Variants in KHDRBS2 observed in about 807,000 individuals in gnomAD.
The protein encoded by KHDRBS2 is KH domain-containing, RNA-binding, signal transduction-associated protein 2.
A neutral mutation model predicts 44.3 loss-of-function variants in KHDRBS2; 26 were observed. The ratio of observed to expected loss-of-function variants is 0.59; its 90% CI spans 0.43 to 0.81. The LOEUF (loss-of-function observed/expected upper bound fraction) is 0.81. KHDRBS2 is among the 40% of genes least tolerant of loss of function. The probability of loss-of-function intolerance (pLI) is 0.00; values close to 1 mark genes in which losing one functional copy is unlikely to be tolerated. For missense variants in KHDRBS2, 476 were observed against 433.1 expected (o/e 1.10, Z -0.88); for synonymous variants, 194 against 151.1 (o/e 1.28, Z -2.08).
At chr6:61,665,556 A>G in the KHDRBS2 span, among the ~76,000 whole-genome samples, 13 of 151,510 alleles carry the variant, frequency 8.6e-5, no homozygotes, top group South Asian at 2.5e-3. Context: ...CTGTGTAATC[A>G]ATAAAATTAG....
At position 62,098,244 on chromosome 6, in the gene KHDRBS2, GTTT is replaced by G. The variant is rs35184806; in HGVS notation, c.220-50253_220-50251del. Among the ~76,000 whole-genome samples the G allele has an allele frequency of 3.1e-3, 402 of 127,856 alleles. 1 individual carries two copies. The highest frequency in any genetic ancestry group is 0.011 in the African/African-American group (371 of 34,670). The allele number at this position is 127,856 out of a possible 152,430, so 83.9% of individuals were successfully genotyped here. ...ACCAGTGAGTTTTATAGCTTCAAAC[GTTT>G]TTTTTTTTTTTTTTGTTACAAGTTA... On this transcript the variant is annotated intron_variant, in intron 2 of 8. Transcript: ENST00000281156.
chr6:62,227,492 C>G (rs1478100482), intron 1 of KHDRBS2, among the ~76,000 whole-genome samples: 6 of 152,084 alleles, frequency 3.9e-5, no homozygotes, highest in Non-Finnish European at 8.8e-5. Context: ...GACTTCTTCT[C>G]TTCCTATTTG....
At chr6:62,252,513 CCAAA>C (rs1479267850) in intron 1 of KHDRBS2, among the ~76,000 whole-genome samples, 1 of 151,868 alleles carries the variant, frequency 6.6e-6, no homozygotes, top group Admixed American at 6.6e-5. Context: ...TCATTTCCAA[CCAAA>C]CAGATTATGT....
chr6:62,195,613 A>T (rs1825516950), intron 1 of KHDRBS2, among the ~76,000 whole-genome samples: 1 of 152,162 alleles, frequency 6.6e-6, no homozygotes, highest in African/African-American at 2.4e-5. Context: ...TAATGGCAGC[A>T]CTCAGAGACT....
intron 2 of KHDRBS2, among the ~76,000 whole-genome samples, chr6:62,064,185 T>G (rs371114269): frequency 8.9e-6 from 1 of 112,524 alleles, no homozygotes; most frequent in Non-Finnish European, 2.0e-5. Flanking sequence ...GAATCAATAT[T>G]GTGAAAATGG....
chr6:61,574,849 A>C, the KHDRBS2 span, among the ~76,000 whole-genome samples: 3 of 152,134 alleles, frequency 2.0e-5, no homozygotes, highest in Non-Finnish European at 4.4e-5. Flanking sequence ...TGGAGCTTGC[A>C]GTGAGCAGAG....
At chr6:61,651,120 T>C in the KHDRBS2 span, among the ~76,000 whole-genome samples, 1 of 152,088 alleles carries the variant, frequency 6.6e-6, no homozygotes, top group Non-Finnish European at 1.5e-5. Flanking sequence ...TAAACATTTA[T>C]TGAGTGTTTC....
intron 2 of KHDRBS2, among the ~76,000 whole-genome samples, chr6:62,147,141 A>T (rs1302620744): frequency 6.6e-6 from 1 of 151,738 alleles, no homozygotes; most frequent in Non-Finnish European, 1.5e-5. Flanking sequence ...TCTATTAGTC[A>T]TTCTTATGTA....
chr6:61,872,503 A>T (rs1400594722), intron 6 of KHDRBS2, among the ~76,000 whole-genome samples: 1 of 152,160 alleles, frequency 6.6e-6, no homozygotes, highest in Non-Finnish European at 1.5e-5. Flanking sequence ...GATAATTTTT[A>T]AAAAGTTGTA....
chr6:61,838,096 T>A (rs1295611675), intron 6 of KHDRBS2, among the ~76,000 whole-genome samples: 4 of 152,060 alleles, frequency 2.6e-5, no homozygotes, highest in Non-Finnish European at 5.9e-5. Context: ...TCAAATTCTT[T>A]CTACTTTGCT....
chr6:61,894,822 C>T lies in KHDRBS2; in HGVS notation c.623G>A (p.Gly208Asp), dbSNP rs781137192. 1 of 1,611,156 alleles carries T rather than the reference C, an allele frequency of 6.2e-7. No homozygotes were observed. Among genetic ancestry groups the T allele is most frequent in the Non-Finnish European group, 8.5e-7 (1 of 1,178,908 alleles). ...APTAPSRGRGGAIPPPPPPGR... is the reference protein window; with the variant it reads ...APTAPSRGRGDAIPPPPPPGR... ...AGGTGGTGGGGGAGGAGGAATGGCA[C>T]CCCCACGGCCCCTAAGAGAAACAAG... The change falls in exon 6 of 9, where the codon GGT becomes GAT. Residue 208 changes from glycine to aspartate, a missense_variant. By Grantham distance (94) the Gly-to-Asp change is moderately conservative (BLOSUM62 -1). Coordinates refer to ENST00000281156, the MANE Select transcript of KHDRBS2 (RefSeq NM_152688.4).
chr6:61,615,329 G>T, the KHDRBS2 span, among the ~76,000 whole-genome samples: 1 of 151,726 alleles, frequency 6.6e-6, no homozygotes, highest in Non-Finnish European at 1.5e-5. Context: ...ATAGTGCCTG[G>T]CTGTTTGTAA....
At chr6:62,195,282 G>C (rs1470615016) in intron 1 of KHDRBS2, among the ~76,000 whole-genome samples, 1 of 152,148 alleles carries the variant, frequency 6.6e-6, no homozygotes, top group Non-Finnish European at 1.5e-5. Flanking sequence ...CTGCAACCTT[G>C]CTAAACTCAC....
chr6:61,769,739 T>C (rs1262813386), intron 6 of KHDRBS2, among the ~76,000 whole-genome samples: 1 of 152,240 alleles, frequency 6.6e-6, no homozygotes, highest in Non-Finnish European at 1.5e-5. Context: ...TGCCTGCCTC[T>C]GTAGGCTCCA....
At chr6:61,754,364 G>A (rs994668063) in intron 6 of KHDRBS2, among the ~76,000 whole-genome samples, 5 of 152,078 alleles carry the variant, frequency 3.3e-5, no homozygotes, top group East Asian at 1.9e-4. Context: ...ATCTTCAGTC[G>A]TATGTGTGCT....
intron 6 of KHDRBS2, among the ~76,000 whole-genome samples, chr6:61,880,793 G>GT (rs1800098978): frequency 6.6e-6 from 1 of 151,758 alleles, no homozygotes; most frequent in South Asian, 2.1e-4. Flanking sequence ...TTACTTTTGG[G>GT]TGAAGTCTTA....
chr6:62,241,825 G>T (rs1288305498), intron 1 of KHDRBS2, among the ~76,000 whole-genome samples: 1 of 149,774 alleles, frequency 6.7e-6, no homozygotes, highest in Non-Finnish European at 1.5e-5. Context: ...CAGTAGAAGG[G>T]CAAATAGGTA....
the KHDRBS2 span, among the ~76,000 whole-genome samples, chr6:61,596,099 A>T: frequency 6.6e-6 from 1 of 152,110 alleles, no homozygotes; most frequent in African/African-American, 2.4e-5. Flanking sequence ...TGCTGTAGAC[A>T]CACCTCTCCA....
chr6:62,277,086 A>T (rs1337989584), intron 1 of KHDRBS2, among the ~76,000 whole-genome samples: 1 of 152,106 alleles, frequency 6.6e-6, no homozygotes, highest in Non-Finnish European at 1.5e-5. Context: ...AATAATGATA[A>T]ATCTCTCATT....
Sources: allele counts gnomAD v4.1 joint callset (sites outside exome capture counted in the v4.1 genomes callset), GRCh38; gene constraint gnomAD v4.1.1; transcripts MANE v1.5; gene names NCBI Gene and HGNC (gene_info 2026-07-23, HGNC 2026-07-21).